WIF1: variants seen among roughly 807,000 people sequenced by gnomAD.
WIF1 encodes Wnt inhibitory factor 1.
WIF1 carries 35 observed loss-of-function variants against 53.5 expected under a neutral mutation model. That is an observed-to-expected ratio of 0.65 (90% confidence interval 0.50 to 0.87). The LOEUF is 0.87. WIF1 is among the 40% of genes least tolerant of loss of function. WIF1 has a pLI of 0.00. For synonymous variants in WIF1, 171 were observed against 170.4 expected (o/e 1.00, Z -0.03); for missense variants, 467 against 476.8 (o/e 0.98, Z 0.19).
At chr12:65,078,962 C>T (rs999548219) in intron 2 of WIF1, among the ~76,000 whole-genome samples, 3 of 151,950 alleles carry the variant, frequency 2.0e-5, no homozygotes, top group East Asian at 1.9e-4. Context: ...GTTAGGAGTT[C>T]GAGACCAGTC....
chr12:65,067,633 G>T, intron 5 of WIF1, 62 bp downstream of exon 5: 1 of 1,473,124 alleles, frequency 6.8e-7, no homozygotes, highest in Non-Finnish European at 9.5e-7. Context: ...TACACATGGG[G>T]CTCCTGCACG....
intron 2 of WIF1, among the ~76,000 whole-genome samples, chr12:65,095,028 G>A (rs907524857): frequency 2.0e-5 from 3 of 151,630 alleles, no homozygotes; most frequent in Non-Finnish European, 4.4e-5. Flanking sequence ...CATCTCCTGG[G>A]CTCAAGCCAT....
At chr12:65,090,274 G>A (rs1209926983) in intron 2 of WIF1, among the ~76,000 whole-genome samples, 1 of 152,166 alleles carries the variant, frequency 6.6e-6, no homozygotes, top group Non-Finnish European at 1.5e-5. Context: ...GGGCTAGAGT[G>A]AGACCTGCTT....
chr12:65,088,380 C>T (rs1273152940), intron 2 of WIF1, among the ~76,000 whole-genome samples: 1 of 152,156 alleles, frequency 6.6e-6, no homozygotes, highest in Admixed American at 6.6e-5. Flanking sequence ...AATCCTGGTT[C>T]CTTTCCATAT....
chr12:65,082,371 T>C (rs958554616), intron 2 of WIF1, among the ~76,000 whole-genome samples: 1 of 152,114 alleles, frequency 6.6e-6, no homozygotes, highest in African/African-American at 2.4e-5. Context: ...AAACCTCTAT[T>C]AGGAAAAAGT....
chr12:65,055,434 A>C (rs544417377), intron 8 of WIF1, among the ~76,000 whole-genome samples: 1 of 152,240 alleles, frequency 6.6e-6, no homozygotes, highest in Non-Finnish European at 1.5e-5. Flanking sequence ...AAAGACATTC[A>C]GTAGGATTTT....
At chr12:65,060,012 T>C (rs1882587076) in intron 7 of WIF1, among the ~76,000 whole-genome samples, 1 of 129,422 alleles carries the variant, frequency 7.7e-6, no homozygotes, top group African/African-American at 2.7e-5. Flanking sequence ...CATCGGAGTA[T>C]ACATTTCATT....
intron 7 of WIF1, among the ~76,000 whole-genome samples, chr12:65,060,310 A>G (rs754077844): frequency 1.4e-4 from 21 of 152,240 alleles, no homozygotes; most frequent in Non-Finnish European, 2.2e-4. Flanking sequence ...CCAACAGCTG[A>G]TAAATAAACA....
At chr12:65,092,931 C>G (rs2136630867) in intron 2 of WIF1, among the ~76,000 whole-genome samples, 1 of 152,210 alleles carries the variant, frequency 6.6e-6, no homozygotes, top group Non-Finnish European at 1.5e-5. Context: ...TCTGATCTCT[C>G]TTGTCCATGA....
At chr12:65,089,833 C>T (rs148390816) in intron 2 of WIF1, among the ~76,000 whole-genome samples, 2,225 of 152,162 alleles carry the variant, frequency 0.015, 27 homozygotes, top group Admixed American at 0.029. Flanking sequence ...ATTGTACTTA[C>T]GGTAAAAATC....
intron 2 of WIF1, among the ~76,000 whole-genome samples, chr12:65,110,562 T>C (rs1883415487): frequency 6.6e-6 from 1 of 152,226 alleles, no homozygotes; most frequent in African/African-American, 2.4e-5. Context: ...AAGGGCTGGA[T>C]CCTAGCTGCC....
intron 2 of WIF1, among the ~76,000 whole-genome samples, chr12:65,089,239 C>A (rs187069607): frequency 3.2e-4 from 49 of 152,208 alleles, no homozygotes; most frequent in Non-Finnish European, 6.2e-4. Flanking sequence ...CATAATATAC[C>A]TATTACCCAA....
chr12:65,089,612 A>T (rs1042187973), intron 2 of WIF1, among the ~76,000 whole-genome samples: 4 of 152,008 alleles, frequency 2.6e-5, no homozygotes, highest in African/African-American at 9.7e-5. Context: ...CAGGTCTTTG[A>T]TCTGGCCATA....
chr12:65,055,091 T>A, intron 9 of WIF1, 27 bp downstream of exon 9: 1 of 1,607,186 alleles, frequency 6.2e-7, no homozygotes, highest in Non-Finnish European at 8.5e-7. Flanking sequence ...TTTTCCTTGT[T>A]TACAACTTTT....
chr12:65,105,754 CCCATGA>C (rs1034187334), intron 2 of WIF1, among the ~76,000 whole-genome samples: 2 of 152,254 alleles, frequency 1.3e-5, no homozygotes, highest in Middle Eastern at 3.4e-3. Context: ...GGGATCTGCC[CCCATGA>C]CCCAAACACC....
At chr12:65,098,192 G>A (rs918205689) in intron 2 of WIF1, among the ~76,000 whole-genome samples, 1 of 152,108 alleles carries the variant, frequency 6.6e-6, no homozygotes, top group Non-Finnish European at 1.5e-5. Context: ...TGTAAAAATA[G>A]CACTATTTTT....
At chr12:65,117,196 A>G (rs954419658) in intron 2 of WIF1, among the ~76,000 whole-genome samples, 8 of 152,128 alleles carry the variant, frequency 5.3e-5, no homozygotes, top group African/African-American at 1.7e-4. Context: ...ATTTATATCC[A>G]TGCTTATTTC....
intron 2 of WIF1, among the ~76,000 whole-genome samples, chr12:65,085,800 C>A (rs1281473932): frequency 6.6e-6 from 1 of 152,154 alleles, no homozygotes; most frequent in Non-Finnish European, 1.5e-5. Context: ...ATAAACACAT[C>A]CAGGACTATG....
intron 2 of WIF1, among the ~76,000 whole-genome samples, chr12:65,094,654 G>T (rs1338550748): frequency 6.6e-6 from 1 of 152,064 alleles, no homozygotes; most frequent in East Asian, 1.9e-4. Context: ...CAGAATAAAA[G>T]ATATCCAAGG....
Sources: allele counts gnomAD v4.1 joint callset (sites outside exome capture counted in the v4.1 genomes callset), GRCh38; gene constraint gnomAD v4.1.1; transcripts MANE v1.5; gene names NCBI Gene and HGNC (gene_info 2026-07-23, HGNC 2026-07-21).